GPR75: variants seen among roughly 807,000 people sequenced by gnomAD.
GPR75 encodes G protein-coupled receptor 75.
GPR75 carries 27 observed loss-of-function variants against 26.0 expected under a neutral mutation model. That is an observed-to-expected ratio of 1.04 (90% CI 0.77 to 1.43). The LOEUF (loss-of-function observed/expected upper bound fraction) is 1.43. GPR75 is among the 40% of genes most tolerant of loss of function. The pLI, the probability that GPR75 is intolerant of heterozygous loss-of-function variation, is 0.00. For missense variants in GPR75, 699 were observed against 662.3 expected (o/e 1.06, Z -0.61); for synonymous variants, 285 against 256.3 (o/e 1.11, Z -1.07).
At chr2:53,855,729 G>A (rs1678209458) in intron 1 of GPR75, among the ~76,000 whole-genome samples, 1 of 152,150 alleles carries the variant, frequency 6.6e-6, no homozygotes. Context: ...GGAGGGTATT[G>A]TTGATGCATA....
In GPR75 at chr2:53,853,953, C is replaced by T; in HGVS notation, c.804G>A (p.Met268Ile). 1 of 1,614,090 alleles carries T rather than the reference C, an allele frequency of 6.2e-7. No homozygotes were observed. The highest frequency in any genetic ancestry group is 8.5e-7 in the Non-Finnish European group (1 of 1,179,976). ...QGGGDPIQCA[M>I]PALYRNQNYN... ...AATTCTGGTTCCTATACAGAGCCGGCATGGCACACTGGATGGGATCTCCAC... is the reference window on the plus strand; with the variant it reads ...AATTCTGGTTCCTATACAGAGCCGGTATGGCACACTGGATGGGATCTCCAC... The change falls in exon 2 of 2, where the codon ATG becomes ATA. Residue 268 changes from methionine (M) to isoleucine (I), a missense_variant. Met to Ile is a conservative substitution (Grantham distance 10, BLOSUM62 1). Transcript: ENST00000394705.
At chr2:53,856,317 G>A (rs945190641) in intron 1 of GPR75, among the ~76,000 whole-genome samples, 2 of 152,136 alleles carry the variant, frequency 1.3e-5, no homozygotes, top group African/African-American at 4.8e-5. Context: ...GCTTCTGGTG[G>A]GACCGACTAA....
In GPR75 at chr2:53,859,954, A is replaced by G; in HGVS notation, c.-236T>C. 2 of 1,481,308 alleles carry G rather than the reference A, an allele frequency of 1.4e-6. No individual in the cohort carries two copies. Among genetic ancestry groups the G allele is most frequent in the Admixed American group, 2.3e-5 (1 of 44,396 alleles). 91.8% of individuals were successfully genotyped at this position (1,481,308 alleles called of 1,614,324 possible). ...CGCCACCGCCTCCGCGCATCCCGGGAGCCGCGGCAAGACGCGGGCGCAGAG... is the reference window on the plus strand; with the variant it reads ...CGCCACCGCCTCCGCGCATCCCGGGGGCCGCGGCAAGACGCGGGCGCAGAG... On this transcript the variant is annotated 5_prime_UTR_variant, in exon 1 of 2. Transcript: ENST00000394705.
chr2:53,853,460 A>C lies in GPR75; in HGVS notation c.1297T>G (p.Leu433Val), dbSNP rs3731969. Residue 433 changes from leucine to valine, a missense_variant, in exon 2 of 2, where the codon TTA becomes GTA. Coordinates refer to ENST00000394705, the MANE Select transcript of GPR75 (RefSeq NM_006794.4). ...AATTTCTTCTGTGGCTTTGGAGATA[A>C]CATGTAGGCAGAGTTTGTTTCATGA... ...SHHETNSAYM[L>V]SPKPQKKFVD... 1.8e-5 allele frequency: 29 copies of C among 1,613,974 alleles called. No homozygotes were observed. In the East Asian group the frequency reaches 6.2e-4, roughly 35 times the overall value.
chr2:53,858,535 A>C (rs1301729370), intron 1 of GPR75, among the ~76,000 whole-genome samples: 1 of 152,064 alleles, frequency 6.6e-6, no homozygotes, highest in Non-Finnish European at 1.5e-5. Flanking sequence ...ATGGGCTGGG[A>C]AGAGAAAAGG....
chr2:53,858,333 G>C (rs1678284335), intron 1 of GPR75, among the ~76,000 whole-genome samples: 1 of 151,210 alleles, frequency 6.6e-6, no homozygotes, highest in African/African-American at 2.4e-5. Context: ...CTTCCCCACT[G>C]AAACTTTCTG....
chr2:53,854,622 A>G lies in GPR75; in HGVS notation c.135T>C (p.Cys45=). 6.2e-7 allele frequency: 1 copy of G among 1,614,110 alleles called. No individual in the cohort carries two copies. Among genetic ancestry groups the G allele is most frequent in the South Asian group, 1.1e-5 (1 of 91,074 alleles). The change falls in exon 2 of 2, where the codon TGT becomes TGC. Residue 45 remains cysteine (C), a synonymous_variant. Transcript: ENST00000394705. The stretch of plus-strand genomic sequence containing the variant: ...AGAAGATGACCGCCAGTAGAAAAGT[A>G]CAGGTCACCAAGGTGGCTGTGTGGA... The part of the protein sequence containing the change: ...DLIHTATLVT[C]TFLLAVIFCL...
Position 53,859,919 on chromosome 2 carries a change from T to C in GPR75, c.-201A>G. ...TCTGGATGATGCAGGACTAGAGGCA[T>C]CATCGCCATCGCCACCGCCTCCGCG... On this transcript the variant is annotated 5_prime_UTR_variant, in exon 1 of 2. An upstream start codon of the reference 5' UTR is lost. Coordinates refer to ENST00000394705, the MANE Select transcript of GPR75 (RefSeq NM_006794.4). 1.3e-6 allele frequency: 2 copies of C among 1,507,914 alleles called. No homozygotes were observed. The highest frequency in any genetic ancestry group is 1.8e-6 in the Non-Finnish European group (2 of 1,133,536). The allele number at this position is 1,507,914 out of a possible 1,614,324, so 93.4% of individuals were successfully genotyped here.
intron 1 of GPR75, among the ~76,000 whole-genome samples, chr2:53,855,631 T>C (rs1437025142): frequency 6.6e-6 from 1 of 150,512 alleles, no homozygotes; most frequent in Non-Finnish European, 1.5e-5. Flanking sequence ...GGGTATGGAG[T>C]GGGGACAGAC....
In GPR75 at chr2:53,853,415, G is replaced by A; in HGVS notation, c.1342C>T (p.Pro448Ser). 1 of 1,614,056 alleles carries A rather than the reference G, an allele frequency of 6.2e-7. No homozygotes were observed. The highest frequency in any genetic ancestry group is 8.5e-7 in the Non-Finnish European group (1 of 1,179,990). Residue 448 changes from proline to serine, a missense_variant, in exon 2 of 2, where the codon CCA becomes TCA. Coordinates refer to ENST00000394705, the MANE Select transcript of GPR75 (RefSeq NM_006794.4). ...ACCATACTTTCTTTTGAATGACTTG[G>A]GCCACAAGCCTGGTCCACAAATTTC... ...QKKFVDQACG[P>S]SHSKESMVSP...
At position 53,853,995 on chromosome 2, in the gene GPR75, C is replaced by A. The variant is rs1319712388; in HGVS notation, c.762G>T (p.Gly254=). 1.9e-6 allele frequency: 3 copies of A among 1,614,158 alleles called. No individual in the cohort carries two copies. The highest frequency in any genetic ancestry group is 2.5e-6 in the Non-Finnish European group (3 of 1,180,030). The change falls in exon 2 of 2, where the codon GGG becomes GGT. Residue 254 remains glycine (G), a synonymous_variant. Coordinates refer to ENST00000394705, the MANE Select transcript of GPR75 (RefSeq NM_006794.4). ...GATCTCCACCTCCCTGCACAGGGAC[C>A]CCCATGAAAGGCTGTGGTCTGGAAG... The part of the protein sequence containing the change: ...VDASRPQPFM[G]VPVQGGGDPI...
In GPR75 at chr2:53,854,427, G is replaced by A; in HGVS notation, c.330C>T (p.Ala110=). 1.2e-6 allele frequency: 2 copies of A among 1,614,084 alleles called. No individual in the cohort carries two copies. The highest frequency in any genetic ancestry group is 1.7e-6 in the Non-Finnish European group (2 of 1,179,952). ...AGCAGAAAGCATCCGGGATACTACT[G>A]GCTGAGCTGAAGAATAACACAAAGG... ...MFTFVLFFSS[A]SSIPDAFCFT... is the part of the protein sequence containing the mutation. Residue 110 remains alanine (A), a synonymous_variant, in exon 2 of 2, where the codon GCC becomes GCT. Coordinates refer to ENST00000394705, the MANE Select transcript of GPR75 (RefSeq NM_006794.4).
Position 53,853,443 on chromosome 2 carries a change from C to T in GPR75, c.1314G>A (p.Gln438=). ...NSAYMLSPKP[Q]KKFVDQACGP... Reference sequence around the variant, plus strand: ...CACAAGCCTGGTCCACAAATTTCTTCTGTGGCTTTGGAGATAACATGTAGG... The same window carrying T: ...CACAAGCCTGGTCCACAAATTTCTTTTGTGGCTTTGGAGATAACATGTAGG... Residue 438 remains glutamine, a synonymous_variant, in exon 2 of 2, where the codon CAG becomes CAA. Transcript: ENST00000394705. 3 of 1,614,078 alleles carry T rather than the reference C, an allele frequency of 1.9e-6. No individual in the cohort carries two copies. The highest frequency in any genetic ancestry group is 2.5e-6 in the Non-Finnish European group (3 of 1,179,976).
intron 1 of GPR75, among the ~76,000 whole-genome samples, chr2:53,859,522 G>A (rs758530009): frequency 1.3e-5 from 2 of 151,780 alleles, no homozygotes; most frequent in African/African-American, 2.4e-5. Flanking sequence ...GTGAGGTGAC[G>A]GTAAGGAGGG....
At chr2:53,856,664 A>G (rs1573160987) in intron 1 of GPR75, among the ~76,000 whole-genome samples, 1 of 152,222 alleles carries the variant, frequency 6.6e-6, no homozygotes, top group African/African-American at 2.4e-5. Context: ...AATCCATATA[A>G]TTGACTGGTG....
intron 1 of GPR75, among the ~76,000 whole-genome samples, chr2:53,857,030 C>T (rs1678249054): frequency 7.9e-6 from 1 of 125,992 alleles, no homozygotes; most frequent in Non-Finnish European, 1.6e-5. Flanking sequence ...GTGGCGCAAT[C>T]TCGGCTCACT....
At chr2:53,855,019 C>T (rs1032802479) in intron 1 of GPR75, among the ~76,000 whole-genome samples, 154 bp from the exon 2 acceptor site, 10 of 152,068 alleles carry the variant, frequency 6.6e-5, no homozygotes, top group African/African-American at 2.2e-4. Context: ...TGGGGTCTTA[C>T]CATGTTGCCC....
At position 53,853,855 on chromosome 2, in the gene GPR75, C is replaced by T. The variant is rs1431131461; in HGVS notation, c.902G>A (p.Ser301Asn). 1 of 1,614,110 alleles carries T rather than the reference C, an allele frequency of 6.2e-7. No homozygotes were observed. Among genetic ancestry groups the T allele is most frequent in the South Asian group, 1.1e-5 (1 of 91,062 alleles). ...SPNQLVTPAA[S>N]RLQLVSAINL... Reference sequence around the variant, plus strand: ...GATGGCTGATACGAGCTGGAGTCGGCTTGCTGCAGGGGTGACCAGTTGGTT... The same window carrying T: ...GATGGCTGATACGAGCTGGAGTCGGTTTGCTGCAGGGGTGACCAGTTGGTT... The change falls in exon 2 of 2, where the codon AGC becomes AAC. Residue 301 changes from serine to asparagine, a missense_variant. Coordinates refer to ENST00000394705, the MANE Select transcript of GPR75 (RefSeq NM_006794.4).
chr2:53,855,143 T>A (rs1302656152), intron 1 of GPR75, among the ~76,000 whole-genome samples: 1 of 151,782 alleles, frequency 6.6e-6, no homozygotes, highest in Non-Finnish European at 1.5e-5. Context: ...TTTTTTTTTT[T>A]AACAAAACAC....
Sources: gnomAD v4.1 joint callset for allele counts (sites outside exome capture counted in the v4.1 genomes callset) on GRCh38, gnomAD v4.1.1 for gene constraint, MANE v1.5 for transcripts, NCBI Gene and HGNC (gene_info 2026-07-23, HGNC 2026-07-21) for gene names.